TOM1L1: variants seen among roughly 807,000 people sequenced by gnomAD.
TOM1L1 encodes the protein target of myb1 like 1 membrane trafficking protein.
TOM1L1 carries 64 observed loss-of-function variants against 63.4 expected under a neutral mutation model. That is an observed-to-expected ratio of 1.01 (90% CI 0.83 to 1.24). The LOEUF (loss-of-function observed/expected upper bound fraction) is 1.24, where lower values mean the gene tolerates loss of function less well. Among genes scored for constraint, TOM1L1 ranks in the 50% most tolerant of loss-of-function variants. The pLI is 0.00. For synonymous variants in TOM1L1, 166 were observed against 194.4 expected (o/e 0.85, Z 1.22); for missense variants, 536 against 567.0 (o/e 0.95, Z 0.55).
intron 7 of TOM1L1, among the ~76,000 whole-genome samples, chr17:54,925,360 C>T (rs868226585): frequency 6.6e-6 from 1 of 152,160 alleles, no homozygotes; most frequent in Non-Finnish European, 1.5e-5. Flanking sequence ...TCCTTCCTTC[C>T]TCCTGTTTCC....
intron 15 of TOM1L1, 96 bp from the exon 16 acceptor site, chr17:54,961,139 A>G: frequency 1.2e-6 from 1 of 864,110 alleles, no homozygotes; most frequent in African/African-American, 1.7e-5. Context: ...CTAGACTGTG[A>G]CTCTCCAGCT....
intron 7 of TOM1L1, among the ~76,000 whole-genome samples, chr17:54,926,394 T>G (rs2048769572): frequency 6.6e-6 from 1 of 152,218 alleles, no homozygotes; most frequent in African/African-American, 2.4e-5. Context: ...TGTACTCAGC[T>G]TTGGGCCACC....
At position 54,932,511 on chromosome 17, in the gene TOM1L1, C is replaced by A. The variant is rs2048880220; in HGVS notation, c.854+2305C>A. ...TTGGAGGCAGAAATTGGGCATAAGACAATATGAGGAGTAGTCTCCTCCCTT... is the reference window on the plus strand; with the variant it reads ...TTGGAGGCAGAAATTGGGCATAAGAAAATATGAGGAGTAGTCTCCTCCCTT... On this transcript the variant is annotated intron_variant, in intron 8 of 15. Coordinates refer to ENST00000575882, the MANE Select transcript of TOM1L1 (RefSeq NM_005486.3). 2.0e-5 allele frequency among the ~76,000 whole-genome samples: 3 copies of A among 152,120 alleles called. No individual in the cohort carries two copies. The South Asian group carries it at 6.2e-4, about 32-fold the overall frequency.
Position 54,912,887 on chromosome 17 carries a change from G to A in TOM1L1, c.372+72G>A. 5.5e-6 allele frequency: 7 copies of A among 1,272,872 alleles called. No individual in the cohort carries two copies. In the South Asian group the frequency reaches 1.0e-4, roughly 19 times the overall value. 78.8% of individuals were successfully genotyped at this position (1,272,872 alleles called of 1,614,324 possible). A position where few individuals can be genotyped will look rare whatever the true frequency, so the allele number is the denominator to read the frequency against. ...GGATTTAATAGCTTACCTCCTGATT[G>A]TTTCACTTATCTTTTATATATCTAG... On this transcript the variant is annotated intron_variant, in intron 4 of 15. Transcript: ENST00000575882.
At chr17:54,954,910 A>T (rs2049417184) in intron 14 of TOM1L1, 1 of 152,200 alleles carries the variant, frequency 6.6e-6, no homozygotes, top group African/African-American at 2.4e-5. Context: ...GCAGTAAGTG[A>T]CCCATATTCA....
intron 5 of TOM1L1, 40 bp from the exon 6 acceptor site, chr17:54,914,599 T>C (rs1026331461): frequency 5.2e-6 from 8 of 1,549,882 alleles, no homozygotes; most frequent in Middle Eastern, 1.7e-4. Context: ...GGTGGCTATG[T>C]TAATTCACAT....
intron 7 of TOM1L1, among the ~76,000 whole-genome samples, chr17:54,922,047 C>T (rs1357907477): frequency 6.6e-6 from 1 of 152,076 alleles, no homozygotes; most frequent in Non-Finnish European, 1.5e-5. Flanking sequence ...AATCCCAGCA[C>T]TTTGGGAGGC....
intron 14 of TOM1L1, chr17:54,957,993 T>C (rs2076992578): frequency 6.6e-6 from 1 of 152,200 alleles, no homozygotes; most frequent in African/African-American, 2.4e-5. Flanking sequence ...AAATGAGGAT[T>C]AGAGAAAGCT....
chr17:54,915,485 C>CT (rs940606984), intron 6 of TOM1L1, among the ~76,000 whole-genome samples: 14 of 151,242 alleles, frequency 9.3e-5, no homozygotes, highest in African/African-American at 2.2e-4. Context: ...GGGTTCTAAT[C>CT]TTTTTTTTTC....
At chr17:54,961,035 T>G in intron 15 of TOM1L1, 200 bp from the exon 16 acceptor site, 1 of 589,230 alleles carries the variant, frequency 1.7e-6, no homozygotes, top group Admixed American at 3.1e-5. Flanking sequence ...ATCCCATGTA[T>G]TTACTATTTA....
chr17:54,908,631 G>A (rs774706580), intron 3 of TOM1L1, among the ~76,000 whole-genome samples: 1 of 152,204 alleles, frequency 6.6e-6, no homozygotes, highest in Non-Finnish European at 1.5e-5. Flanking sequence ...GGGCTTTGAC[G>A]GAACCTGACT....
At chr17:54,938,209 G>A (rs1246843913) in intron 10 of TOM1L1, among the ~76,000 whole-genome samples, 1 of 152,064 alleles carries the variant, frequency 6.6e-6, no homozygotes, top group Non-Finnish European at 1.5e-5. Context: ...ATTATGGCCT[G>A]GAGGCCAGGC....
Position 54,901,514 on chromosome 17 carries a change from A to T in TOM1L1, c.58+591A>T, listed in dbSNP as rs1052445191. On this transcript the variant is annotated intron_variant, in intron 1 of 15. Coordinates refer to ENST00000575882, the MANE Select transcript of TOM1L1 (RefSeq NM_005486.3). ...GGGCCACGGAGGTCTCTCGCAGGCC[A>T]CTAGGGACTACACCAGCATCCACCT... is the stretch of plus-strand genomic sequence containing the variant. Among the ~76,000 whole-genome samples, 5 of 152,132 alleles carry T rather than the reference A, an allele frequency of 3.3e-5. 1 individual carries two copies. Among genetic ancestry groups the T allele is most frequent in the African/African-American group, 1.2e-4 (5 of 41,436 alleles).
chr17:54,939,454 G>T (rs1006230851), intron 11 of TOM1L1, among the ~76,000 whole-genome samples: 1 of 152,134 alleles, frequency 6.6e-6, no homozygotes, highest in East Asian at 1.9e-4. Context: ...GAGCAATGAG[G>T]TTCAAAATTA....
At position 54,913,745 on chromosome 17, in the gene TOM1L1, C is replaced by G; in HGVS notation, c.373-3C>G. 3 of 1,577,406 alleles carry G rather than the reference C, an allele frequency of 1.9e-6. No homozygotes were observed. Among genetic ancestry groups the G allele is most frequent in the Non-Finnish European group, 2.6e-6 (3 of 1,159,346 alleles). The stretch of plus-strand genomic sequence containing the variant: ...TGGAACTTTTTTCATCTCTTGAATT[C>G]AGACTTGGTCACAGGGCTTCCCAGG... On this transcript the variant is annotated splice_polypyrimidine_tract_variant and splice_region_variant and intron_variant, in intron 4 of 15. Transcript: ENST00000575882.
chr17:54,917,524 T>G (rs2048610847), intron 7 of TOM1L1: 1 of 152,166 alleles, frequency 6.6e-6, no homozygotes, highest in African/African-American at 2.4e-5. Context: ...ATATGTTGGA[T>G]TTTTATAACA....
chr17:54,931,948 C>T (rs1214397703), intron 8 of TOM1L1, among the ~76,000 whole-genome samples: 8 of 63,918 alleles, frequency 1.3e-4, no homozygotes, highest in East Asian at 8.1e-4. Flanking sequence ...CTTTTTTCTT[C>T]GTTTTTTTTT....
At chr17:54,956,846 TAGAG>T (rs1183941935) in intron 14 of TOM1L1, 4 of 135,600 alleles carry the variant, frequency 2.9e-5, no homozygotes, top group East Asian at 1.9e-4. Flanking sequence ...TATGGGGTGA[TAGAG>T]AGGGAAGAGG....
Position 54,913,853 on chromosome 17 carries a change from G to T in TOM1L1, c.478G>T (p.Ala160Ser). ...GVQFPPSEAE[A>S]ETARQETAQI... ...TCAGTTTCCTCCCTCAGAAGCAGAGGCTGAAACAGCAAGACAAGAGGTAGG... is the reference window on the plus strand; with the variant it reads ...TCAGTTTCCTCCCTCAGAAGCAGAGTCTGAAACAGCAAGACAAGAGGTAGG... The change falls in exon 5 of 16, where the codon GCT (alanine) becomes TCT (serine). Residue 160 changes from alanine to serine, a missense_variant. Coordinates refer to ENST00000575882, the MANE Select transcript of TOM1L1 (RefSeq NM_005486.3). 2 of 1,609,108 alleles carry T rather than the reference G, an allele frequency of 1.2e-6. No individual in the cohort carries two copies. The highest frequency in any genetic ancestry group is 1.7e-6 in the Non-Finnish European group (2 of 1,176,966).
Sources: gnomAD v4.1 joint callset for allele counts (sites outside exome capture counted in the v4.1 genomes callset) on GRCh38, gnomAD v4.1.1 for gene constraint, MANE v1.5 for transcripts, NCBI Gene and HGNC (gene_info 2026-07-23, HGNC 2026-07-21) for gene names.